The following KNL1 variants were observed in gnomAD, a reference collection of about 807,000 sequenced individuals.
KNL1 encodes the protein kinetochore scaffold 1.
A neutral mutation model predicts 201.3 loss-of-function variants in KNL1; 66 were observed. That is an observed-to-expected ratio of 0.33 (90% CI 0.27 to 0.40). KNL1 has a LOEUF of 0.40. Ranked by LOEUF, KNL1 falls within the 10% of genes least tolerant of loss-of-function variation. The pLI is 1.00. For missense variants in KNL1, 2,815 were observed against 2,690.5 expected, an observed-to-expected ratio of 1.05 and a Z score of -1.02; for synonymous variants, 895 against 899.2, an observed-to-expected ratio of 1.00 and a Z score of 0.08.
chr15:40,632,752 G>C (rs959047056), intron 13 of KNL1, among the ~76,000 whole-genome samples: 3 of 152,140 alleles, frequency 2.0e-5, no homozygotes, highest in African/African-American at 7.2e-5. Flanking sequence ...TGGCTTGGTA[G>C]CTCATGCCTG....
rs775468496 is a variant in KNL1 at position 40,650,601 on chromosome 15, G to A, written c.6212+18G>A. 2 of 1,550,290 alleles carry A rather than the reference G, an allele frequency of 1.3e-6. No individual in the cohort carries two copies. Among genetic ancestry groups the A allele is most frequent in the South Asian group, 2.5e-5 (2 of 80,586 alleles). ...CTTCAAAGGTCAGCCTTCAATCCAA[G>A]TGTTAGAAAATATAATGCTAAATCA... On this transcript the variant is annotated intron_variant, in intron 19 of 25. Coordinates refer to ENST00000399668, the MANE Select transcript of KNL1 (RefSeq NM_144508.5).
intron 1 of KNL1, among the ~76,000 whole-genome samples, chr15:40,601,201 A>G (rs1891781512): frequency 6.6e-6 from 1 of 152,130 alleles, no homozygotes; most frequent in Non-Finnish European, 1.5e-5. Flanking sequence ...TGCGCACACG[A>G]GGGATCTAGG....
chr15:40,651,014 A>G (rs781347375), intron 19 of KNL1, among the ~76,000 whole-genome samples: 3 of 152,096 alleles, frequency 2.0e-5, no homozygotes, highest in Admixed American at 1.3e-4. Flanking sequence ...TGATGCTAGC[A>G]AAATGATTAA....
At chr15:40,618,395 A>C (rs1892411945) in intron 8 of KNL1, among the ~76,000 whole-genome samples, 1 of 152,106 alleles carries the variant, frequency 6.6e-6, no homozygotes, top group Non-Finnish European at 1.5e-5. Context: ...TATCATGGGA[A>C]TATCTAGATT....
chr15:40,653,350 G>A (rs747800978), intron 21 of KNL1, among the ~76,000 whole-genome samples: 11 of 151,964 alleles, frequency 7.2e-5, no homozygotes, highest in East Asian at 1.9e-4. Context: ...CACCACACCC[G>A]GCTAATTTTT....
At chr15:40,641,089 G>A in intron 14 of KNL1, 62 bp downstream of exon 14, 2 of 1,140,808 alleles carry the variant, frequency 1.8e-6, no homozygotes, top group Non-Finnish European at 2.6e-6. Context: ...AATAGTTTGT[G>A]TGGTAAGGTT....
intron 20 of KNL1, among the ~76,000 whole-genome samples, 190 bp from the exon 21 acceptor site, chr15:40,651,814 TC>T (rs1893573941): frequency 6.6e-6 from 1 of 152,202 alleles, no homozygotes; most frequent in Non-Finnish European, 1.5e-5. Context: ...GATATACAAC[TC>T]AAGATTGGGT....
intron 13 of KNL1, among the ~76,000 whole-genome samples, chr15:40,639,943 C>T (rs1018662846): frequency 1.3e-5 from 2 of 152,032 alleles, no homozygotes; most frequent in African/African-American, 4.8e-5. Context: ...GGCGTGGTGA[C>T]ACATCTGTAG....
chr15:40,602,910 T>TA lies in KNL1; in HGVS notation c.-17-4dup. 1.3e-6 allele frequency: 2 copies of TA among 1,520,686 alleles called. No homozygotes were observed. Among genetic ancestry groups the TA allele is most frequent in the South Asian group, 2.3e-5 (2 of 86,850 alleles). The allele number at this position is 1,520,686 out of a possible 1,614,324, so 94.2% of individuals were successfully genotyped here. On this transcript the variant is annotated splice_polypyrimidine_tract_variant and splice_region_variant and intron_variant, in intron 1 of 25. Coordinates refer to ENST00000399668, the MANE Select transcript of KNL1 (RefSeq NM_144508.5). ...ATGTTTTCTAATATTGTATATTTGTTACAGAAAAGTTTTCTTCAAAAATGG... is the reference window on the plus strand; with the variant it reads ...ATGTTTTCTAATATTGTATATTTGTTAACAGAAAAGTTTTCTTCAAAAATGG...
At chr15:40,658,148 C>T (rs187647502) in intron 24 of KNL1, among the ~76,000 whole-genome samples, 75 of 151,928 alleles carry the variant, frequency 4.9e-4, no homozygotes, top group African/African-American at 1.8e-3. Context: ...CGCCTGTAGT[C>T]CCAGCTACTC....
In KNL1 at chr15:40,663,671, C is replaced by T. The variant is rs1044030929; in HGVS notation, c.*1483C>T. ...TAAGTATTGTTTTCTGATGCCATAC[C>T]CTTGTCATACATATTATTAAATGAC... On this transcript the variant is annotated 3_prime_UTR_variant, in exon 26 of 26. Coordinates refer to ENST00000399668, the MANE Select transcript of KNL1 (RefSeq NM_144508.5). 11 of 195,000 alleles carry T rather than the reference C, an allele frequency of 5.6e-5. No homozygotes were observed. The highest frequency in any genetic ancestry group is 1.8e-4 in the Admixed American group (3 of 16,432). The allele number at this position is 195,000 out of a possible 1,614,324, so 12.1% of individuals were successfully genotyped here.
At chr15:40,662,009 A>T in intron 25 of KNL1, 65 bp from the exon 26 acceptor site, 3 of 899,812 alleles carry the variant, frequency 3.3e-6, no homozygotes, top group Admixed American at 3.6e-5. Context: ...ACTGCACTCC[A>T]GCCTGGGCGA....
At chr15:40,642,772 T>C (rs1266682458) in intron 14 of KNL1, among the ~76,000 whole-genome samples, 1 of 152,022 alleles carries the variant, frequency 6.6e-6, no homozygotes, top group Non-Finnish European at 1.5e-5. Context: ...GGATTACAGG[T>C]GCCCACCAAC....
At chr15:40,654,051 T>G (rs1460653983) in intron 21 of KNL1, among the ~76,000 whole-genome samples, 1 of 152,208 alleles carries the variant, frequency 6.6e-6, no homozygotes. Flanking sequence ...CCCTGAGTTG[T>G]AAGCTTGAGG....
chr15:40,617,693 A>G (rs1194823593), intron 8 of KNL1, among the ~76,000 whole-genome samples: 3 of 152,096 alleles, frequency 2.0e-5, no homozygotes, highest in African/African-American at 7.2e-5. Flanking sequence ...TACTTTAAGT[A>G]TTTCTGGCTG....
intron 13 of KNL1, among the ~76,000 whole-genome samples, chr15:40,629,997 G>T (rs1164456104): frequency 6.6e-6 from 1 of 151,916 alleles, no homozygotes; most frequent in Admixed American, 6.6e-5. Context: ...AAAATCTAAG[G>T]GTAGCAGAGG....
chr15:40,625,586 G>GA lies in KNL1; in HGVS notation c.5329dup (p.Ile1777AsnfsTer5). The stretch of plus-strand genomic sequence containing the variant: ...AAGAAGAAGAAGATATTCATAAGGA[G>GA]AAAAAAATCAGAAAAAATGAGATTA... On this transcript the variant is annotated frameshift_variant, in exon 10 of 26. Coordinates refer to ENST00000399668, the MANE Select transcript of KNL1 (RefSeq NM_144508.5). LOFTEE classifies it high-confidence loss of function. The GA allele has an allele frequency of 1.9e-6, 3 of 1,608,696 alleles. No individual in the cohort carries two copies. Among genetic ancestry groups the GA allele is most frequent in the African/African-American group, 1.3e-5 (1 of 74,466 alleles).
chr15:40,619,355 AATAT>A (rs71956781), intron 9 of KNL1, among the ~76,000 whole-genome samples: 30 of 146,074 alleles, frequency 2.1e-4, no homozygotes, highest in Admixed American at 3.4e-4. Context: ...CACACAGTGT[AATAT>A]ATATATATAT....
intron 13 of KNL1, among the ~76,000 whole-genome samples, chr15:40,635,992 C>G (rs897068359): frequency 6.6e-6 from 1 of 152,182 alleles, no homozygotes; most frequent in Non-Finnish European, 1.5e-5. Context: ...CACCTACCAC[C>G]ATGCCTGGCT....
Sources: allele counts gnomAD v4.1 joint callset (sites outside exome capture counted in the v4.1 genomes callset), GRCh38; gene constraint gnomAD v4.1.1; transcripts MANE v1.5; gene names NCBI Gene and HGNC (gene_info 2026-07-23, HGNC 2026-07-21).